The following DGKB variants were observed in gnomAD, a reference collection of about 807,000 sequenced individuals.
DGKB encodes the protein 90 kDa diacylglycerol kinase.
Under a neutral mutation model 114.3 loss-of-function variants are expected in DGKB, and 67 were observed. That is an observed-to-expected ratio of 0.59 (90% CI 0.48 to 0.72). DGKB has a LOEUF of 0.72. Among genes scored for constraint, DGKB ranks in the 30% least tolerant of loss-of-function variants. DGKB has a pLI of 0.00. For missense variants in DGKB, 907 were observed against 975.2 expected (o/e 0.93, Z 0.93); for synonymous variants, 398 against 323.1 (o/e 1.23, Z -2.49).
chr7:14,206,877 G>C (rs28605107), intron 23 of DGKB, among the ~76,000 whole-genome samples: 1,629 of 152,070 alleles, frequency 0.011, 29 homozygotes, highest in African/African-American at 0.037. Flanking sequence ...TAGGCTAATA[G>C]ATTGTACTAC....
intron 23 of DGKB, among the ~76,000 whole-genome samples, chr7:14,313,590 C>A (rs6461088): frequency 6.6e-6 from 1 of 152,218 alleles, no homozygotes; most frequent in East Asian, 1.9e-4. Context: ...TAAAAAACAG[C>A]GCACCACGAG....
chr7:14,489,623 T>G (rs2128929468), intron 20 of DGKB, among the ~76,000 whole-genome samples: 1 of 152,288 alleles, frequency 6.6e-6, no homozygotes, highest in African/African-American at 2.4e-5. Context: ...AGCATAATAC[T>G]TAATTTTGCA....
chr7:14,407,408 G>C (rs1449905260), intron 21 of DGKB, among the ~76,000 whole-genome samples: 1 of 151,972 alleles, frequency 6.6e-6, no homozygotes, highest in African/African-American at 2.4e-5. Context: ...ATCTAGGCTG[G>C]ACCATGTTGC....
At chr7:14,959,367 A>T (rs1786706255) in intron 1 of DGKB, among the ~76,000 whole-genome samples, 1 of 148,634 alleles carries the variant, frequency 6.7e-6, no homozygotes, top group South Asian at 2.1e-4. Flanking sequence ...TGCAATTTTC[A>T]GTGAAATAGA....
chr7:14,649,187 T>G (rs529327840), intron 13 of DGKB, among the ~76,000 whole-genome samples: 2 of 143,706 alleles, frequency 1.4e-5, no homozygotes, highest in African/African-American at 5.2e-5. Context: ...GTAAGACACA[T>G]AATTGTCAGA....
rs188622221 is a variant in DGKB at position 14,551,885 on chromosome 7, C to G, written c.1770+22327G>C. On this transcript the variant is annotated intron_variant, in intron 20 of 25. Coordinates refer to ENST00000402815, the MANE Select transcript of DGKB (RefSeq NM_001350709.2). Reference sequence around the variant, plus strand: ...ACTATTGTTACTGCAATCTGTCTCACAGTGAGTCTTAAATTTTTTTTCTTC... The same window carrying G: ...ACTATTGTTACTGCAATCTGTCTCAGAGTGAGTCTTAAATTTTTTTTCTTC... 8.5e-5 allele frequency among the ~76,000 whole-genome samples: 13 copies of G among 152,180 alleles called. No individual in the cohort carries two copies. In the East Asian group the frequency reaches 2.3e-3, roughly 27 times the overall value.
At chr7:14,760,626 A>T (rs1212110646) in intron 2 of DGKB, among the ~76,000 whole-genome samples, 25 of 152,182 alleles carry the variant, frequency 1.6e-4, no homozygotes, top group Admixed American at 1.6e-3. Context: ...ACATACACAG[A>T]TGCATACATT....
chr7:14,212,408 T>TTTTA (rs1554289985), intron 23 of DGKB, among the ~76,000 whole-genome samples: 358 of 22,048 alleles, frequency 0.016, 114 homozygotes, highest in Admixed American at 0.098. Flanking sequence ...TGTTTTGTGA[T>TTTTA]TTTACTCTCG....
intron 2 of DGKB, among the ~76,000 whole-genome samples, chr7:14,819,586 T>C (rs905351799): frequency 5.3e-5 from 8 of 151,992 alleles, no homozygotes; most frequent in African/African-American, 1.7e-4. Flanking sequence ...TGAGACACAG[T>C]CTAAAAAATG....
At chr7:14,699,892 TG>T (rs1475301264) in intron 7 of DGKB, among the ~76,000 whole-genome samples, 1 of 150,530 alleles carries the variant, frequency 6.6e-6, no homozygotes, top group Non-Finnish European at 1.5e-5. Flanking sequence ...TAACAAAAAA[TG>T]GGCAGAGACA....
At chr7:14,697,285 G>C (rs886734651) in intron 8 of DGKB, among the ~76,000 whole-genome samples, 2 of 152,120 alleles carry the variant, frequency 1.3e-5, no homozygotes, top group Non-Finnish European at 1.5e-5. Flanking sequence ...TAACATATTT[G>C]GGTCTCAATT....
intron 2 of DGKB, among the ~76,000 whole-genome samples, chr7:14,840,031 T>C (rs997070232): frequency 3.9e-5 from 6 of 152,190 alleles, no homozygotes; most frequent in Non-Finnish European, 1.5e-5. Context: ...ATGTGAGTGA[T>C]AGTATTCGCT....
intron 2 of DGKB, among the ~76,000 whole-genome samples, chr7:14,798,166 G>T (rs367808175): frequency 1.3e-5 from 2 of 152,290 alleles, no homozygotes; most frequent in East Asian, 3.9e-4. Flanking sequence ...GTACGATGGG[G>T]ATGGAAGTTC....
intron 17 of DGKB, among the ~76,000 whole-genome samples, chr7:14,598,595 C>A (rs1178244214): frequency 1.3e-5 from 2 of 152,116 alleles, no homozygotes; most frequent in African/African-American, 2.4e-5. Flanking sequence ...ATTATGTATT[C>A]ATCAACTCTT....
chr7:14,699,867 G>A (rs1164769091), intron 7 of DGKB, among the ~76,000 whole-genome samples: 2 of 151,346 alleles, frequency 1.3e-5, no homozygotes, highest in Non-Finnish European at 2.9e-5. Flanking sequence ...ATTGCTAGTA[G>A]TCTACTGTAT....
intron 23 of DGKB, among the ~76,000 whole-genome samples, chr7:14,262,904 AATC>A (rs1198794635): frequency 3.3e-5 from 5 of 152,108 alleles, no homozygotes; most frequent in Non-Finnish European, 5.9e-5. Context: ...TTATTAAACA[AATC>A]ATTCCCACCA....
chr7:14,573,029 C>A (rs1476727695), intron 20 of DGKB, among the ~76,000 whole-genome samples: 1 of 151,924 alleles, frequency 6.6e-6, no homozygotes, highest in Non-Finnish European at 1.5e-5. Context: ...TTCTGATTTG[C>A]GTAATAAAAA....
chr7:14,485,373 G>A (rs1008098901), intron 20 of DGKB, among the ~76,000 whole-genome samples: 67 of 151,252 alleles, frequency 4.4e-4, no homozygotes, highest in African/African-American at 1.6e-3. Flanking sequence ...ATGCACATCT[G>A]CAATTTTGCC....
In DGKB at chr7:14,147,817, G is replaced by C. The variant is rs936565242; in HGVS notation, c.*1314C>G. ...GGCTTAATGAAACACTAAAAGAAAA[G>C]TACTGTTCTGTGATTTCTTTAAACA... On this transcript the variant is annotated 3_prime_UTR_variant, in exon 26 of 26. Coordinates refer to ENST00000402815, the MANE Select transcript of DGKB (RefSeq NM_001350709.2). The C allele has an allele frequency of 6.6e-6, 1 of 152,466 alleles. No homozygotes were observed. Among genetic ancestry groups the C allele is most frequent in the African/African-American group, 2.4e-5 (1 of 41,434 alleles). 9.4% of individuals were successfully genotyped at this position (152,466 alleles called of 1,614,324 possible).
Sources: allele counts gnomAD v4.1 joint callset (sites outside exome capture counted in the v4.1 genomes callset), GRCh38; gene constraint gnomAD v4.1.1; transcripts MANE v1.5; gene names NCBI Gene and HGNC (gene_info 2026-07-23, HGNC 2026-07-21).